NAALADL2: variants seen among roughly 807,000 people sequenced by gnomAD.
NAALADL2 encodes the protein N-acetylated alpha-linked acidic dipeptidase like 2, also known as inactive N-acetylated-alpha-linked acidic dipeptidase-like protein 2.
NAALADL2 carries 76 observed loss-of-function variants against 87.2 expected under a neutral mutation model. That is an observed-to-expected ratio of 0.87 (90% CI 0.72 to 1.05). NAALADL2 has a LOEUF of 1.05. NAALADL2 is among the 50% of genes least tolerant of loss of function. The probability of loss-of-function intolerance (pLI) is 0.00; values close to 1 mark genes in which losing one functional copy is unlikely to be tolerated. For synonymous variants in NAALADL2, 354 were observed against 331.0 expected (o/e 1.07, Z -0.75); for missense variants, 1,089 against 945.8 (o/e 1.15, Z -1.99).
At position 175,182,461 on chromosome 3, in the gene NAALADL2, C is replaced by T. The variant is rs114337989; in HGVS notation, c.546-51470C>T. 7.6e-3 allele frequency among the ~76,000 whole-genome samples: 1,152 copies of T among 151,280 alleles called. 14 individuals are homozygous for T. The highest frequency in any genetic ancestry group is 0.026 in the African/African-American group (1,067 of 41,236). On this transcript the variant is annotated intron_variant, in intron 2 of 13. Transcript: ENST00000454872. Reference sequence around the variant, plus strand: ...GGAGTGCAGTGACATGATTATAGCTCACTGCAACCTTGTTCTCCTGGGCTC... The same window carrying T: ...GGAGTGCAGTGACATGATTATAGCTTACTGCAACCTTGTTCTCCTGGGCTC...
intron 1 of NAALADL2, among the ~76,000 whole-genome samples, chr3:174,458,141 T>G (rs1178092877): frequency 6.6e-6 from 1 of 152,164 alleles, no homozygotes; most frequent in Non-Finnish European, 1.5e-5. Context: ...AACTTAAAAG[T>G]GAAAAATGAA....
intron 10 of NAALADL2, among the ~76,000 whole-genome samples, chr3:175,593,789 G>A (rs893680674): frequency 4.0e-5 from 6 of 151,566 alleles, no homozygotes; most frequent in East Asian, 1.9e-4. Context: ...AAAACCTCCC[G>A]TTAACTTAGT....
intron 12 of NAALADL2, 67 bp from the exon 13 acceptor site, chr3:175,755,153 T>C (rs1747097582): frequency 7.4e-7 from 1 of 1,355,410 alleles, no homozygotes; most frequent in East Asian, 2.4e-5. Context: ...AGATTCCTGA[T>C]TGGAAAATGC....
chr3:175,703,283 A>G (rs958962904), intron 11 of NAALADL2, among the ~76,000 whole-genome samples: 1 of 152,196 alleles, frequency 6.6e-6, no homozygotes, highest in Non-Finnish European at 1.5e-5. Context: ...CAAGCAGAGT[A>G]ATTATAAAAT....
At chr3:175,612,761 G>A (rs1049670985) in intron 10 of NAALADL2, among the ~76,000 whole-genome samples, 3 of 152,104 alleles carry the variant, frequency 2.0e-5, no homozygotes, top group Non-Finnish European at 4.4e-5. Context: ...CTGCATTAAA[G>A]TTTGGATTTC....
intron 1 of NAALADL2, among the ~76,000 whole-genome samples, chr3:175,026,282 A>G (rs979140430): frequency 3.1e-4 from 47 of 151,982 alleles, no homozygotes; most frequent in African/African-American, 9.7e-4. Flanking sequence ...CACTTTGGAG[A>G]CTAGTAAAAT....
At chr3:174,710,420 A>T (rs182813452) in intron 2 of NAALADL2, among the ~76,000 whole-genome samples, 1 of 151,578 alleles carries the variant, frequency 6.6e-6, no homozygotes, top group South Asian at 2.1e-4. Flanking sequence ...ACACCCGGCT[A>T]ATTTTGTATT....
intron 1 of NAALADL2, among the ~76,000 whole-genome samples, chr3:175,094,133 A>AT (rs971641500): frequency 6.6e-6 from 1 of 151,814 alleles, no homozygotes; most frequent in South Asian, 2.1e-4. Flanking sequence ...TTTAAAAAAA[A>AT]ACCTTTAGAG....
intron 1 of NAALADL2, among the ~76,000 whole-genome samples, chr3:174,898,967 A>G (rs73047006): frequency 0.016 from 2,420 of 152,258 alleles, 62 homozygotes; most frequent in African/African-American, 0.055. Flanking sequence ...TCAGCCGAAC[A>G]TGTTTATTTT....
chr3:174,891,220 A>G (rs1379457520), intron 1 of NAALADL2, among the ~76,000 whole-genome samples: 1 of 152,050 alleles, frequency 6.6e-6, no homozygotes, highest in Non-Finnish European at 1.5e-5. Context: ...ATAGTAAAAT[A>G]TTTTTGGCAT....
At chr3:175,497,464 T>A (rs1383436241) in intron 9 of NAALADL2, among the ~76,000 whole-genome samples, 1 of 152,222 alleles carries the variant, frequency 6.6e-6, no homozygotes, top group East Asian at 1.9e-4. Context: ...TTTCTTCAGT[T>A]GTATTAATTT....
intron 6 of NAALADL2, among the ~76,000 whole-genome samples, chr3:175,451,338 A>G (rs1386808484): frequency 6.6e-6 from 1 of 152,118 alleles, no homozygotes; most frequent in South Asian, 2.1e-4. Flanking sequence ...TAAAAAAAAA[A>G]GTATAAGGAA....
At chr3:174,962,371 C>CAT (rs140830010) in intron 1 of NAALADL2, among the ~76,000 whole-genome samples, 3,060 of 75,584 alleles carry the variant, frequency 0.04, 216 homozygotes, top group South Asian at 0.1. Context: ...GTGACTATGA[C>CAT]ATATATATAT....
At position 175,458,137 on chromosome 3, in the gene NAALADL2, G is replaced by A. The variant is rs117216467; in HGVS notation, c.1235-5264G>A. ...CCAAATCATCTTGTACTTTTCCTGT[G>A]CCAGCTGTTATCAGCCAATTCTCCA... is the stretch of plus-strand genomic sequence containing the variant. On this transcript the variant is annotated intron_variant, in intron 6 of 13. Coordinates refer to ENST00000454872, the MANE Select transcript of NAALADL2 (RefSeq NM_207015.3). 3.3e-3 allele frequency among the ~76,000 whole-genome samples: 505 copies of A among 152,048 alleles called. 6 individuals are homozygous for A. The highest frequency in any genetic ancestry group is 0.031 in the East Asian group (162 of 5,164).
At chr3:175,709,680 T>C (rs1740259360) in intron 11 of NAALADL2, among the ~76,000 whole-genome samples, 1 of 152,048 alleles carries the variant, frequency 6.6e-6, no homozygotes, top group Non-Finnish European at 1.5e-5. Context: ...CCTAGTGAAA[T>C]TGTCTGGAGA....
intron 3 of NAALADL2, among the ~76,000 whole-genome samples, chr3:174,795,860 C>A (rs997342958): frequency 2.6e-5 from 4 of 152,076 alleles, no homozygotes; most frequent in Non-Finnish European, 5.9e-5. Context: ...AGATCCTTTG[C>A]CTATTATAAA....
At chr3:174,724,448 G>A (rs1731998069) in intron 2 of NAALADL2, among the ~76,000 whole-genome samples, 1 of 152,074 alleles carries the variant, frequency 6.6e-6, no homozygotes, top group Non-Finnish European at 1.5e-5. Context: ...GACTAATATG[G>A]TAATCCCATG....
intron 1 of NAALADL2, among the ~76,000 whole-genome samples, chr3:174,959,203 A>C (rs1485069763): frequency 6.6e-6 from 1 of 152,050 alleles, no homozygotes; most frequent in African/African-American, 2.4e-5. Context: ...TTGCGGTAGC[A>C]TATGTTTGTT....
At chr3:174,934,690 T>C (rs796895530) in intron 1 of NAALADL2, among the ~76,000 whole-genome samples, 1 of 151,846 alleles carries the variant, frequency 6.6e-6, no homozygotes, top group Non-Finnish European at 1.5e-5. Flanking sequence ...AACAAAAAAC[T>C]ATGTGATAGG....
Sources: gnomAD v4.1 joint callset for allele counts (sites outside exome capture counted in the v4.1 genomes callset) on GRCh38, gnomAD v4.1.1 for gene constraint, MANE v1.5 for transcripts, NCBI Gene and HGNC (gene_info 2026-07-23, HGNC 2026-07-21) for gene names.